COL6A2: variants seen among roughly 807,000 people sequenced by gnomAD.
The protein encoded by COL6A2 is collagen alpha-2(VI) chain.
Under a neutral mutation model 124.9 loss-of-function variants are expected in COL6A2, and 90 were observed. That is an observed-to-expected ratio of 0.72 (90% confidence interval 0.61 to 0.86). The LOEUF is 0.86. COL6A2 is among the 40% of genes least tolerant of loss of function. COL6A2 has a pLI of 0.00. For synonymous variants in COL6A2, 793 were observed against 618.2 expected, an observed-to-expected ratio of 1.28 and a Z score of -4.19; for missense variants, 1,607 against 1,502.5, an observed-to-expected ratio of 1.07 and a Z score of -1.15.
At chr21:46,129,701 C>A in intron 27 of COL6A2, 1 of 1,413,950 alleles carries the variant, frequency 7.1e-7, no homozygotes, top group Non-Finnish European at 9.2e-7. Flanking sequence ...CTTCCAGTCT[C>A]TCCTCCGTCT....
intron 13 of COL6A2, 84 bp from the exon 14 acceptor site, chr21:46,118,946 G>C: frequency 8.8e-7 from 1 of 1,136,662 alleles, no homozygotes. Flanking sequence ...AGATAATAGG[G>C]GCTCCACACC....
At chr21:46,118,299 G>A (rs1481892240) in intron 12 of COL6A2, among the ~76,000 whole-genome samples, 3 of 152,144 alleles carry the variant, frequency 2.0e-5, no homozygotes, top group South Asian at 2.1e-4. Context: ...GCGGCCCCAG[G>A]ATCCCCAAGG....
rs1239060538 is a variant in COL6A2 at position 46,120,331 on chromosome 21, G to A, written c.1333-184G>A. Among the ~76,000 whole-genome samples the A allele has an allele frequency of 5.9e-5, 9 of 152,168 alleles. 1 individual carries two copies. The highest frequency in any genetic ancestry group is 2.6e-4 in the Admixed American group (4 of 15,286). ...GACCGAGAGACACCGTGCTCAGAGCGGCAGCTACAGGCACCGGGAAGGAGC... is the reference window on the plus strand; with the variant it reads ...GACCGAGAGACACCGTGCTCAGAGCAGCAGCTACAGGCACCGGGAAGGAGC... On this transcript the variant is annotated intron_variant, in intron 15 of 27. Coordinates refer to ENST00000300527, the MANE Select transcript of COL6A2 (RefSeq NM_001849.4).
chr21:46,098,550 G>C (rs964116200), intron 1 of COL6A2, among the ~76,000 whole-genome samples: 6 of 150,662 alleles, frequency 4.0e-5, no homozygotes, highest in Admixed American at 3.3e-4. Flanking sequence ...CCGCGTCTGC[G>C]AGCGGTTCGG....
In COL6A2 at chr21:46,125,311, G is replaced by C. The variant is rs747602311; in HGVS notation, c.1816G>C (p.Asp606His). 1.9e-6 allele frequency: 3 copies of C among 1,610,598 alleles called. No individual in the cohort carries two copies. Among genetic ancestry groups the C allele is most frequent in the African/African-American group, 2.7e-5 (2 of 74,872 alleles). ...TYVRETCGCCDCEKRCGALDV... is the reference protein window; with the variant it reads ...TYVRETCGCCHCEKRCGALDV... Reference sequence around the variant, plus strand: ...CGTGAGGGAGACCTGCGGGTGCTGCGGTGAGGCACTGCCCACGGCAGGGTC... The same window carrying C: ...CGTGAGGGAGACCTGCGGGTGCTGCCGTGAGGCACTGCCCACGGCAGGGTC... Residue 606 changes from aspartate to histidine, a missense_variant and splice_region_variant, in exon 24 of 28, where the codon GAC (aspartate) becomes CAC (histidine). By Grantham distance (81) the Asp-to-His change is moderately conservative. Around this residue, in one of 3 missense-constraint regions of COL6A2, gnomAD observed 1,223 missense variants for 1,052.2 expected, o/e 1.16. Transcript: ENST00000300527.
At position 46,117,413 on chromosome 21, in the gene COL6A2, G is replaced by A. The variant is rs760872485; in HGVS notation, c.1013G>A (p.Arg338His). ...CTTCTCCTTCAGGGCAAGCTGGGGC[G>A]CATCGGACCTCCTGGCTGCAAGGGA... is the stretch of plus-strand genomic sequence containing the variant. ...GTDGQKGKLG[R>H]IGPPGCKGDP... Residue 338 changes from arginine (R) to histidine (H), a missense_variant, in exon 11 of 28, where the codon CGC becomes CAC. Physicochemically the swap from Arg to His is conservative, Grantham distance 29. Transcript: ENST00000300527. 8.4e-5 allele frequency: 135 copies of A among 1,612,658 alleles called. No homozygotes were observed. The highest frequency in any genetic ancestry group is 1.6e-4 in the Middle Eastern group (1 of 6,082).
Position 46,125,936 on chromosome 21 carries a change from CA to C in COL6A2, c.2123del (p.Lys708SerfsTer47). ...GCGGCACCTGGACACCCTCAGCCCT[CA>C]AGTTTGCCTACGACCGCCTCATCAA... ...AGGTWTPSAL[K>X]FAYDRLIKES... On this transcript the variant is annotated frameshift_variant, in exon 26 of 28. Transcript: ENST00000300527. LOFTEE classifies it high-confidence loss of function. 1 of 1,613,206 alleles carries C rather than the reference CA, an allele frequency of 6.2e-7. No homozygotes were observed. Among genetic ancestry groups the C allele is most frequent in the East Asian group, 2.2e-5 (1 of 44,854 alleles).
intron 1 of COL6A2, among the ~76,000 whole-genome samples, chr21:46,109,441 C>T (rs2123607027): frequency 6.6e-6 from 1 of 152,312 alleles, no homozygotes; most frequent in Admixed American, 6.5e-5. Flanking sequence ...GACGGGCAAC[C>T]CGGCCCCCAG....
Position 46,114,082 on chromosome 21 carries a change from C to A in COL6A2, c.801+9C>A. 1 of 1,607,416 alleles carries A rather than the reference C, an allele frequency of 6.2e-7. No homozygotes were observed. Among genetic ancestry groups the A allele is most frequent in the Middle Eastern group, 1.7e-4 (1 of 6,058 alleles). On this transcript the variant is annotated intron_variant, in intron 5 of 27. Coordinates refer to ENST00000300527, the MANE Select transcript of COL6A2 (RefSeq NM_001849.4). ...GCTACCGTGGACAGAAGGTAAGATG[C>A]CCAGATTACCTGCAGGGTCTGCGCT...
intron 1 of COL6A2, among the ~76,000 whole-genome samples, chr21:46,100,310 G>A (rs1225024053): frequency 6.6e-6 from 1 of 151,890 alleles, no homozygotes; most frequent in Non-Finnish European, 1.5e-5. Context: ...GGCCATGGAT[G>A]TGTTTGTTTG....
chr21:46,121,139 G>A lies in COL6A2; in HGVS notation c.1458+16G>A. On this transcript the variant is annotated intron_variant, in intron 17 of 27. Coordinates refer to ENST00000300527, the MANE Select transcript of COL6A2 (RefSeq NM_001849.4). ...CGGAAAGCAGGTCAGTGTCAGTGCA[G>A]GAGGCCGGTGCCCTCTGACCCCACG... is the stretch of plus-strand genomic sequence containing the variant. The A allele has an allele frequency of 6.2e-7, 1 of 1,612,388 alleles. No individual in the cohort carries two copies. Among genetic ancestry groups the A allele is most frequent in the Non-Finnish European group, 8.5e-7 (1 of 1,179,642 alleles).
intron 22 of COL6A2, 33 bp downstream of exon 22, chr21:46,124,746 C>A (rs367642263): frequency 1.9e-6 from 3 of 1,609,356 alleles, no homozygotes; most frequent in South Asian, 1.1e-5. Context: ...TGCCCTCCCC[C>A]CAACCTGCCA....
chr21:46,108,864 C>T (rs555680764), intron 1 of COL6A2, among the ~76,000 whole-genome samples: 1 of 152,270 alleles, frequency 6.6e-6, no homozygotes, highest in Non-Finnish European at 1.5e-5. Flanking sequence ...GGCGCCTTTG[C>T]CCAAGTTCTT....
chr21:46,120,145 C>T (rs948730332), intron 15 of COL6A2, among the ~76,000 whole-genome samples: 6 of 142,482 alleles, frequency 4.2e-5, no homozygotes, highest in African/African-American at 1.5e-4. Flanking sequence ...GCACCTCTTA[C>T]CCCCAGCCCA....
At chr21:46,110,722 G>C (rs1441488099) in intron 1 of COL6A2, among the ~76,000 whole-genome samples, 1 of 49,070 alleles carries the variant, frequency 2.0e-5, no homozygotes, top group Non-Finnish European at 5.5e-5. Context: ...ACCAGGCCCG[G>C]TGCCCTTTCT....
intron 27 of COL6A2, among the ~76,000 whole-genome samples, chr21:46,128,072 G>A (rs1469906962): frequency 6.6e-6 from 1 of 152,208 alleles, no homozygotes; most frequent in Non-Finnish European, 1.5e-5. Context: ...TCTGGCCTCA[G>A]GGTGACGTGG....
chr21:46,117,513 G>C, intron 11 of COL6A2, 60 bp downstream of exon 11: 1 of 1,545,072 alleles, frequency 6.5e-7, no homozygotes, highest in South Asian at 1.1e-5. Context: ...TGCCTGACCG[G>C]GTGGGAGGGT....
At chr21:46,131,655 C>T (rs573687340) in intron 27 of COL6A2, among the ~76,000 whole-genome samples, 2 of 152,262 alleles carry the variant, frequency 1.3e-5, no homozygotes, top group African/African-American at 4.8e-5. Context: ...CCTTCCCTCC[C>T]AGGAGGGCAG....
rs750027302 is a variant in COL6A2, at chr21:46,112,152, G to A, written c.289G>A (p.Gly97Ser). Residue 97 changes from glycine to serine, a missense_variant, in exon 3 of 28, where the codon GGC becomes AGC. By Grantham distance (56) the Gly-to-Ser change is moderately conservative. Around this residue, in one of 3 missense-constraint regions of COL6A2, gnomAD observed 342 missense variants for 381.5 expected, o/e 0.90. Transcript: ENST00000300527. The stretch of plus-strand genomic sequence containing the variant: ...CCAGGTGGCGCTGAGCTGGCGCTAC[G>A]GCGGCCTGCACTTCTCTGACCAGGT... ...LDQVALSWRYGGLHFSDQVEV... is the reference protein window; with the variant it reads ...LDQVALSWRYSGLHFSDQVEV... 8.7e-6 allele frequency: 14 copies of A among 1,612,928 alleles called. No individual in the cohort carries two copies. Among genetic ancestry groups the A allele is most frequent in the East Asian group, 2.2e-5 (1 of 44,890 alleles).
Sources: allele counts gnomAD v4.1 joint callset (sites outside exome capture counted in the v4.1 genomes callset), GRCh38; gene constraint gnomAD v4.1.1; regional missense constraint gnomAD v4.1.1; transcripts MANE v1.5; gene names NCBI Gene and HGNC (gene_info 2026-07-23, HGNC 2026-07-21).